ULK4: variants seen among roughly 807,000 people sequenced by gnomAD.
ULK4 encodes the protein unc-51 like kinase 4.
Under a neutral mutation model 160.6 loss-of-function variants are expected in ULK4, and 133 were observed. The ratio of observed to expected loss-of-function variants is 0.83; its 90% CI spans 0.72 to 0.96. The LOEUF (loss-of-function observed/expected upper bound fraction) is 0.96. Among genes scored for constraint, ULK4 ranks in the 40% least tolerant of loss-of-function variants. The pLI, the probability that ULK4 is intolerant of heterozygous loss-of-function variation, is 0.00. For synonymous variants in ULK4, 534 were observed against 539.8 expected, an observed-to-expected ratio of 0.99 and a Z score of 0.15; for missense variants, 1,580 against 1,499.5, an observed-to-expected ratio of 1.05 and a Z score of -0.89.
In ULK4 at chr3:41,699,501, T is replaced by G. The variant is rs118043132; in HGVS notation, c.2781+5556A>C. Among the ~76,000 whole-genome samples the G allele has an allele frequency of 5.3e-4, 81 of 152,270 alleles. 2 individuals are homozygous for G. In the East Asian group the frequency reaches 0.015, roughly 29 times the overall value. ...TTAATAATATTTTCCGAAACCACCATGAGTGGGGAACAAATTCGCTGTACA... is the reference window on the plus strand; with the variant it reads ...TTAATAATATTTTCCGAAACCACCAGGAGTGGGGAACAAATTCGCTGTACA... On this transcript the variant is annotated intron_variant, in intron 27 of 36. Coordinates refer to ENST00000301831, the MANE Select transcript of ULK4 (RefSeq NM_017886.4).
At chr3:41,853,326 T>C (rs573152056) in intron 17 of ULK4, among the ~76,000 whole-genome samples, 9 of 152,258 alleles carry the variant, frequency 5.9e-5, no homozygotes, top group African/African-American at 1.2e-4. Context: ...GAATCACCCA[T>C]ATAGCTTTAA....
At chr3:41,911,725 A>T in intron 9 of ULK4, 66 bp from the exon 10 acceptor site, 1 of 1,212,866 alleles carries the variant, frequency 8.2e-7, no homozygotes, top group Non-Finnish European at 1.2e-6. Flanking sequence ...TATGTTAGAG[A>T]AAAAGAGGTT....
At chr3:41,368,049 C>T (rs1196478799) in intron 35 of ULK4, among the ~76,000 whole-genome samples, 2 of 150,984 alleles carry the variant, frequency 1.3e-5, no homozygotes, top group Admixed American at 6.6e-5. Context: ...TTTTGTGTCG[C>T]AATTTTTTTT....
At chr3:41,439,339 A>G (rs1460321445) in intron 34 of ULK4, among the ~76,000 whole-genome samples, 1 of 152,224 alleles carries the variant, frequency 6.6e-6, no homozygotes, top group Non-Finnish European at 1.5e-5. Context: ...GTTGGTTTAG[A>G]GAAAAGAAAC....
chr3:41,597,493 G>T lies in ULK4; in HGVS notation c.3120+18176C>A, dbSNP rs4973976. ...CCTCCGCATAGCCCATCCCAGGTTG[G>T]GTCTTTTAGGCAGATAGTCCAGGCA... On this transcript the variant is annotated intron_variant, in intron 31 of 36. Transcript: ENST00000301831. Among the ~76,000 whole-genome samples the T allele has an allele frequency of 3.9e-5, 6 of 152,114 alleles. No homozygotes were observed. The East Asian group carries it at 7.7e-4, about 20-fold the overall frequency.
At chr3:41,578,632 G>T (rs2029909933) in intron 31 of ULK4, among the ~76,000 whole-genome samples, 1 of 152,174 alleles carries the variant, frequency 6.6e-6, no homozygotes, top group African/African-American at 2.4e-5. Context: ...ATTAATGTAG[G>T]TGAATAAATT....
chr3:41,934,314 A>C (rs1699691692), intron 4 of ULK4, among the ~76,000 whole-genome samples: 1 of 152,252 alleles, frequency 6.6e-6, no homozygotes, highest in South Asian at 2.1e-4. Context: ...TTCATTATAC[A>C]GGATTTTATG....
At chr3:41,623,647 A>C (rs1353043660) in intron 30 of ULK4, among the ~76,000 whole-genome samples, 3 of 152,182 alleles carry the variant, frequency 2.0e-5, no homozygotes, top group Non-Finnish European at 2.9e-5. Flanking sequence ...GTAGACTCTA[A>C]AAAAGTCAAA....
chr3:41,336,802 G>T (rs1218760487), intron 35 of ULK4, among the ~76,000 whole-genome samples: 2 of 152,146 alleles, frequency 1.3e-5, no homozygotes, highest in Non-Finnish European at 2.9e-5. Context: ...CGCTCGCTGT[G>T]TATCTGGAGC....
At chr3:41,805,165 T>G (rs1469003157) in intron 19 of ULK4, among the ~76,000 whole-genome samples, 15 of 152,280 alleles carry the variant, frequency 9.9e-5, no homozygotes, top group South Asian at 6.2e-4. Context: ...TCATTGAGCA[T>G]TGGTTTCTAG....
At chr3:41,732,702 A>G (rs1485140497) in intron 22 of ULK4, among the ~76,000 whole-genome samples, 1 of 152,222 alleles carries the variant, frequency 6.6e-6, no homozygotes, top group Non-Finnish European at 1.5e-5. Flanking sequence ...CAATAAGCAA[A>G]GATACGGAAT....
intron 27 of ULK4, among the ~76,000 whole-genome samples, chr3:41,687,369 C>A (rs1264619166): frequency 2.0e-5 from 3 of 148,414 alleles, no homozygotes; most frequent in Admixed American, 1.3e-4. Flanking sequence ...GAGACTCCAT[C>A]TCAAGAAAAA....
At chr3:41,939,343 A>G (rs1001597432) in intron 2 of ULK4, among the ~76,000 whole-genome samples, 2 of 152,050 alleles carry the variant, frequency 1.3e-5, no homozygotes, top group African/African-American at 4.8e-5. Context: ...TATTTTTAGT[A>G]GAGATGGGGT....
intron 8 of ULK4, chr3:41,913,198 G>A (rs1052995927): frequency 1.3e-5 from 3 of 222,322 alleles, no homozygotes; most frequent in South Asian, 1.5e-4. Flanking sequence ...AGGAAAAACG[G>A]AGTCGATAAA....
At chr3:41,616,247 T>C (rs1302849222) in intron 30 of ULK4, among the ~76,000 whole-genome samples, 2 of 152,128 alleles carry the variant, frequency 1.3e-5, no homozygotes. Flanking sequence ...TCAATTGTAA[T>C]AGAAGAATTT....
At chr3:41,840,204 G>C (rs973473640) in intron 17 of ULK4, among the ~76,000 whole-genome samples, 35 of 152,282 alleles carry the variant, frequency 2.3e-4, no homozygotes, top group African/African-American at 8.2e-4. Flanking sequence ...CAATACGGGA[G>C]GATGGCTTGA....
chr3:41,248,075 G>A (rs1164635352), intron 36 of ULK4, among the ~76,000 whole-genome samples: 1 of 152,204 alleles, frequency 6.6e-6, no homozygotes, highest in Non-Finnish European at 1.5e-5. Context: ...GTCCAAATTT[G>A]GGTCCAGCAT....
At chr3:41,600,484 GAA>G (rs1022255940) in intron 31 of ULK4, among the ~76,000 whole-genome samples, 5 of 152,148 alleles carry the variant, frequency 3.3e-5, no homozygotes, top group African/African-American at 7.2e-5. Context: ...CAGGAGGGCA[GAA>G]AAAGAGTTTT....
intron 35 of ULK4, among the ~76,000 whole-genome samples, chr3:41,325,374 C>T (rs1024441753): frequency 6.6e-6 from 1 of 152,160 alleles, no homozygotes; most frequent in Non-Finnish European, 1.5e-5. Context: ...AATATAAATA[C>T]TTCACTGGTT....
Sources: allele counts gnomAD v4.1 joint callset (sites outside exome capture counted in the v4.1 genomes callset), GRCh38; gene constraint gnomAD v4.1.1; transcripts MANE v1.5; gene names NCBI Gene and HGNC (gene_info 2026-07-23, HGNC 2026-07-21).